MAP4K4: variants seen among roughly 807,000 people sequenced by gnomAD.
MAP4K4 encodes HPK/GCK-like kinase HGK.
In MAP4K4, 38 loss-of-function variants were observed where a neutral mutation model predicts 189.6. That is an observed-to-expected ratio of 0.20 (90% CI 0.15 to 0.26). MAP4K4 has a LOEUF of 0.26. MAP4K4 is among the 10% of genes least tolerant of loss of function. MAP4K4 has a pLI of 1.00. For missense variants in MAP4K4, 1,054 were observed against 1,726.9 expected (o/e 0.61, Z 6.91); for synonymous variants, 610 against 624.3 (o/e 0.98, Z 0.34).
intron 2 of MAP4K4, among the ~76,000 whole-genome samples, chr2:101,783,830 T>G (rs1025776174): frequency 3.9e-5 from 6 of 152,196 alleles, no homozygotes; most frequent in Non-Finnish European, 5.9e-5. Context: ...TCTTTTGATT[T>G]AGTGAGGGAG....
At chr2:101,867,122 A>C in intron 19 of MAP4K4, 90 bp from the exon 20 acceptor site, 1 of 695,564 alleles carries the variant, frequency 1.4e-6, no homozygotes, top group Non-Finnish European at 2.4e-6. Context: ...GTGGGCAGAC[A>C]GGAGTGGGCG....
chr2:101,882,548 T>C lies in MAP4K4; in HGVS notation c.3386-3T>C. 1 of 1,575,032 alleles carries C rather than the reference T, an allele frequency of 6.3e-7. No homozygotes were observed. The highest frequency in any genetic ancestry group is 8.6e-7 in the Non-Finnish European group (1 of 1,165,916). The stretch of plus-strand genomic sequence containing the variant: ...TGTAAAATATTTATATTTATTTTGC[T>C]AGGCAAAAAGGATAAGTTACGTGTC... On this transcript the variant is annotated splice_polypyrimidine_tract_variant and splice_region_variant and intron_variant, in intron 27 of 32. Transcript: ENST00000324219.
At chr2:101,859,022 G>C in exon 14 of MAP4K4, 1 of 1,612,798 alleles carries the variant, frequency 6.2e-7, no homozygotes, top group Non-Finnish European at 8.5e-7. Context: ...AGCTAGAAGA[G>C]GAGCAGCGGC....
rs532690478 is a variant in MAP4K4, at chr2:101,803,287, G to T, written c.180+12511G>T. ...TGTATGTATGTGTGTGTGTGTTTGT[G>T]TGTGTGTCTGTCTGTGTCTGTGTCT... is the stretch of plus-strand genomic sequence containing the variant. On this transcript the variant is annotated intron_variant, in intron 3 of 32. Coordinates refer to ENST00000324219, the Ensembl canonical transcript of MAP4K4. Among the ~76,000 whole-genome samples, 263 of 150,988 alleles carry T rather than the reference G, an allele frequency of 1.7e-3. 1 individual carries two copies. The highest frequency in any genetic ancestry group is 3.1e-3 in the Non-Finnish European group (211 of 67,646).
intron 29 of MAP4K4, among the ~76,000 whole-genome samples, chr2:101,886,777 C>T (rs1231681064): frequency 6.6e-6 from 1 of 152,132 alleles, no homozygotes; most frequent in Non-Finnish European, 1.5e-5. Context: ...CGTGGTGGCT[C>T]ACGCCTGTAA....
intron 12 of MAP4K4, among the ~76,000 whole-genome samples, chr2:101,847,720 T>A (rs2097153343): frequency 6.6e-6 from 1 of 152,190 alleles, no homozygotes; most frequent in African/African-American, 2.4e-5. Context: ...TACATTAAGA[T>A]TAATTTAATA....
intron 3 of MAP4K4, among the ~76,000 whole-genome samples, chr2:101,822,044 A>G (rs72991211): frequency 0.063 from 9,603 of 152,274 alleles, 817 homozygotes; most frequent in African/African-American, 0.19. Context: ...CAGAGCTGTC[A>G]TCTCCTATAA....
chr2:101,842,748 CT>C, intron 11 of MAP4K4, 67 bp downstream of exon 11: 1 of 1,171,102 alleles, frequency 8.5e-7, no homozygotes, highest in Non-Finnish European at 1.2e-6. Context: ...TGTGCCAGGA[CT>C]GCAGAAGACT....
At chr2:101,870,684 T>C in intron 23 of MAP4K4, 2 of 364,426 alleles carry the variant, frequency 5.5e-6, no homozygotes, top group South Asian at 5.8e-5. Flanking sequence ...TCACAGTCTA[T>C]GTCTGAGCGG....
At chr2:101,826,720 C>T (rs1205437010) in intron 5 of MAP4K4, among the ~76,000 whole-genome samples, 3 of 152,170 alleles carry the variant, frequency 2.0e-5, no homozygotes, top group African/African-American at 7.2e-5. Context: ...ATAGCACACC[C>T]TATGTTATTC....
chr2:101,854,881 A>G (rs900559124), intron 12 of MAP4K4, among the ~76,000 whole-genome samples: 1 of 152,196 alleles, frequency 6.6e-6, no homozygotes, highest in Non-Finnish European at 1.5e-5. Flanking sequence ...GCCACTAGCC[A>G]CATTTGGCCA....
intron 3 of MAP4K4, among the ~76,000 whole-genome samples, chr2:101,816,197 T>A (rs769855367): frequency 2.0e-5 from 3 of 152,188 alleles, no homozygotes; most frequent in African/African-American, 4.8e-5. Flanking sequence ...TCTAAGCGCT[T>A]TCGTATATTT....
chr2:101,763,773 T>C lies in MAP4K4; in HGVS notation c.124-26947T>C, dbSNP rs566856751. Among the ~76,000 whole-genome samples the C allele has an allele frequency of 3.3e-5, 5 of 152,290 alleles. No homozygotes were observed. The South Asian group carries it at 1.0e-3, about 32-fold the overall frequency. On this transcript the variant is annotated intron_variant, in intron 2 of 32. Coordinates refer to ENST00000324219, the Ensembl canonical transcript of MAP4K4. ...AAACAAAGGTGAGGAATTCATAGAA[T>C]TCTGATCTGAATGTTGCTGTGAAAT...
intron 2 of MAP4K4, among the ~76,000 whole-genome samples, chr2:101,726,668 A>G (rs899814509): frequency 2.6e-5 from 4 of 152,176 alleles, no homozygotes; most frequent in African/African-American, 9.7e-5. Context: ...GGACTTAAAG[A>G]GCCTTAATGG....
At chr2:101,818,847 T>A (rs1290523627) in intron 3 of MAP4K4, among the ~76,000 whole-genome samples, 1 of 152,226 alleles carries the variant, frequency 6.6e-6, no homozygotes, top group Non-Finnish European at 1.5e-5. Context: ...AAATGCTAAT[T>A]GGCATCAGCT....
At chr2:101,760,303 A>G (rs2075664350) in intron 2 of MAP4K4, among the ~76,000 whole-genome samples, 3 of 151,886 alleles carry the variant, frequency 2.0e-5, no homozygotes, top group Non-Finnish European at 1.5e-5. Flanking sequence ...GTCTTGGCCA[A>G]CATGGTAAAA....
At chr2:101,802,948 G>C (rs1372731163) in intron 3 of MAP4K4, among the ~76,000 whole-genome samples, 4 of 152,078 alleles carry the variant, frequency 2.6e-5, no homozygotes, top group Non-Finnish European at 5.9e-5. Flanking sequence ...ACCATGCCCA[G>C]CTAATTTTTG....
At chr2:101,731,430 A>T (rs1001206559) in intron 2 of MAP4K4, among the ~76,000 whole-genome samples, 11 of 151,998 alleles carry the variant, frequency 7.2e-5, no homozygotes, top group African/African-American at 2.7e-4. Flanking sequence ...GTAATTTTTT[A>T]AAAATTATTA....
chr2:101,799,172 A>G (rs2094118799), intron 3 of MAP4K4, among the ~76,000 whole-genome samples: 1 of 152,156 alleles, frequency 6.6e-6, no homozygotes. Flanking sequence ...CTTTTTCCCC[A>G]AGACAGCAAT....
Sources: gnomAD v4.1 joint callset for allele counts (sites outside exome capture counted in the v4.1 genomes callset) on GRCh38, gnomAD v4.1.1 for gene constraint, MANE v1.5 for transcripts, NCBI Gene and HGNC (gene_info 2026-07-23, HGNC 2026-07-21) for gene names.